DSCAM: variants seen among roughly 807,000 people sequenced by gnomAD.
DSCAM encodes the protein cell adhesion molecule DSCAM.
DSCAM carries 47 observed loss-of-function variants against 217.7 expected under a neutral mutation model. That is an observed-to-expected ratio of 0.22 (90% confidence interval 0.17 to 0.28). The LOEUF (loss-of-function observed/expected upper bound fraction) is 0.28, where lower values mean the gene tolerates loss of function less well. Among genes scored for constraint, DSCAM ranks in the 10% least tolerant of loss-of-function variants. The probability of loss-of-function intolerance (pLI) is 1.00; values close to 1 mark genes in which losing one functional copy is unlikely to be tolerated. For missense variants in DSCAM, 2,080 were observed against 2,618.3 expected (o/e 0.79, Z 4.49); for synonymous variants, 1,056 against 1,015.3 (o/e 1.04, Z -0.76).
chr21:40,260,424 C>G (rs1457701375), intron 11 of DSCAM, among the ~76,000 whole-genome samples: 1 of 152,222 alleles, frequency 6.6e-6, no homozygotes, highest in Admixed American at 6.5e-5. Flanking sequence ...TGGTGGGTCA[C>G]TGCCCTGTAG....
intron 3 of DSCAM, among the ~76,000 whole-genome samples, chr21:40,402,458 A>G (rs1211773411): frequency 6.6e-6 from 1 of 152,164 alleles, no homozygotes; most frequent in Non-Finnish European, 1.5e-5. Context: ...TAGAACAAGT[A>G]TCTGCCTAGG....
intron 3 of DSCAM, among the ~76,000 whole-genome samples, chr21:40,441,268 C>T (rs774151543): frequency 4.6e-5 from 7 of 152,052 alleles, no homozygotes; most frequent in Non-Finnish European, 1.0e-4. Flanking sequence ...TTTATTTAGC[C>T]CCCTGAAATT....
Position 40,774,191 on chromosome 21 carries a change from TTCTC to T in DSCAM, c.44-65424_44-65421del, listed in dbSNP as rs569382333. On this transcript the variant is annotated intron_variant, in intron 1 of 32. Coordinates refer to ENST00000400454, the MANE Select transcript of DSCAM (RefSeq NM_001389.5). ...AGTTCTGCCCTAAGACCAATCTTTT[TTCTC>T]TCTCTCTGAGATTTTAATAAAAGAT... Among the ~76,000 whole-genome samples the T allele has an allele frequency of 7.3e-3, 1,109 of 152,320 alleles. 16 individuals are homozygous for T. The highest frequency in any genetic ancestry group is 0.041 in the Middle Eastern group (12 of 292).
intron 3 of DSCAM, among the ~76,000 whole-genome samples, chr21:40,472,304 A>G (rs2075895692): frequency 6.6e-6 from 1 of 152,362 alleles, no homozygotes; most frequent in Admixed American, 6.5e-5. Context: ...ATTTTAAAAT[A>G]CGTGTTCTGA....
chr21:40,290,213 C>T (rs1445779553), intron 10 of DSCAM, among the ~76,000 whole-genome samples: 1 of 152,110 alleles, frequency 6.6e-6, no homozygotes, highest in African/African-American at 2.4e-5. Flanking sequence ...CTTAGAGATA[C>T]AATTCATGGG....
intron 1 of DSCAM, among the ~76,000 whole-genome samples, chr21:40,810,759 T>A (rs1196907559): frequency 6.6e-6 from 1 of 152,016 alleles, no homozygotes; most frequent in Admixed American, 6.6e-5. Context: ...TAAAAAACTA[T>A]CCAGACATGG....
chr21:40,296,141 T>C lies in DSCAM; in HGVS notation c.2096A>G (p.Gln699Arg). Residue 699 changes from glutamine (Q) to arginine (R), a missense_variant, in exon 10 of 33, where the codon CAG becomes CGG. This residue lies in a region of DSCAM where 218 missense variants were observed against 364.1 expected (regional missense o/e 0.60). Coordinates refer to ENST00000400454, the MANE Select transcript of DSCAM (RefSeq NM_001389.5). ...GACTGCTTTGCCATAAATCCCGTCC[T>C]GGTCCCGTGGCTGAACCACAAACTT... ...PPKFVVQPRD[Q>R]DGIYGKAVIL... The C allele has an allele frequency of 6.2e-7, 1 of 1,614,148 alleles. No homozygotes were observed. The highest frequency in any genetic ancestry group is 2.2e-5 in the East Asian group (1 of 44,866).
At chr21:40,709,535 T>G (rs112367376) in intron 1 of DSCAM, among the ~76,000 whole-genome samples, 1 of 151,912 alleles carries the variant, frequency 6.6e-6, no homozygotes, top group African/African-American at 2.4e-5. Flanking sequence ...TTCCCCTCCC[T>G]GTGTCCACGT....
chr21:40,175,639 GC>G (rs1455665585), intron 15 of DSCAM, among the ~76,000 whole-genome samples: 5 of 151,962 alleles, frequency 3.3e-5, no homozygotes, highest in Non-Finnish European at 7.4e-5. Flanking sequence ...CTTCCTAAAG[GC>G]CCCACTTCTT....
chr21:40,286,315 G>C (rs1173455444), intron 10 of DSCAM, among the ~76,000 whole-genome samples: 1 of 152,160 alleles, frequency 6.6e-6, no homozygotes, highest in Non-Finnish European at 1.5e-5. Flanking sequence ...TGTGGAACTG[G>C]CATTCAAGGT....
At chr21:40,138,231 T>C (rs1478850794) in intron 18 of DSCAM, among the ~76,000 whole-genome samples, 3 of 151,678 alleles carry the variant, frequency 2.0e-5, no homozygotes, top group East Asian at 2.0e-4. Flanking sequence ...TCTCAGCCTG[T>C]GTGAATGTGT....
intron 3 of DSCAM, among the ~76,000 whole-genome samples, chr21:40,559,412 C>T (rs973806164): frequency 2.7e-5 from 4 of 150,106 alleles, no homozygotes; most frequent in African/African-American, 9.8e-5. Flanking sequence ...GCGCTGAGAT[C>T]GCACCACTGC....
intron 32 of DSCAM, among the ~76,000 whole-genome samples, chr21:40,035,691 C>T (rs2088606882): frequency 1.3e-5 from 2 of 150,954 alleles, no homozygotes; most frequent in South Asian, 2.1e-4. Context: ...GAACTCTCCA[C>T]CCCAAATCAA....
chr21:40,771,682 T>C (rs2091446514), intron 1 of DSCAM, among the ~76,000 whole-genome samples: 1 of 152,190 alleles, frequency 6.6e-6, no homozygotes, highest in Admixed American at 6.5e-5. Context: ...TATGAAGATA[T>C]AGTGGGGAAC....
chr21:40,606,583 G>A (rs62223604), intron 3 of DSCAM, among the ~76,000 whole-genome samples: 32,594 of 152,154 alleles, frequency 0.21, 3,680 homozygotes, highest in East Asian at 0.31. Flanking sequence ...TTTACCAAAC[G>A]GGTGCATGGG....
rs2090356978 is a variant in DSCAM, at chr21:40,677,741, G to C, written c.508+15069C>G. 2.6e-5 allele frequency among the ~76,000 whole-genome samples: 4 copies of C among 152,096 alleles called. 1 individual carries two copies. The South Asian group carries it at 8.3e-4, about 32-fold the overall frequency. On this transcript the variant is annotated intron_variant, in intron 3 of 32. Transcript: ENST00000400454. ...GTGGAGCCCTCATGAATGAGGTTAGGGCCCTTCTAAAAAGAGACCCCAGAG... is the reference window on the plus strand; with the variant it reads ...GTGGAGCCCTCATGAATGAGGTTAGCGCCCTTCTAAAAAGAGACCCCAGAG...
chr21:40,179,904 T>G (rs975390982), intron 14 of DSCAM, among the ~76,000 whole-genome samples: 1 of 152,198 alleles, frequency 6.6e-6, no homozygotes, highest in African/African-American at 2.4e-5. Context: ...GGTCGACAGC[T>G]GGTATTGGCT....
intron 1 of DSCAM, among the ~76,000 whole-genome samples, chr21:40,729,534 T>C (rs1177917456): frequency 1.3e-5 from 2 of 152,220 alleles, no homozygotes; most frequent in Non-Finnish European, 2.9e-5. Flanking sequence ...CTGAATCGTG[T>C]TCCTTTGTAA....
At chr21:40,429,165 C>A (rs1907755861) in intron 3 of DSCAM, among the ~76,000 whole-genome samples, 1 of 152,066 alleles carries the variant, frequency 6.6e-6, no homozygotes, top group African/African-American at 2.4e-5. Context: ...ATTGCAAACA[C>A]AACTGCAGAT....
Sources: allele counts gnomAD v4.1 joint callset (sites outside exome capture counted in the v4.1 genomes callset), GRCh38; gene constraint gnomAD v4.1.1; regional missense constraint gnomAD v4.1.1; transcripts MANE v1.5; gene names NCBI Gene and HGNC (gene_info 2026-07-23, HGNC 2026-07-21).